THADA: variants seen among roughly 807,000 people sequenced by gnomAD.
THADA encodes the protein THADA armadillo repeat containing.
Under a neutral mutation model 219.8 loss-of-function variants are expected in THADA, and 213 were observed. That is an observed-to-expected ratio of 0.97 (90% CI 0.87 to 1.09). The LOEUF is 1.09. Ranked by LOEUF, THADA falls within the 50% of genes least tolerant of loss-of-function variation. The probability of loss-of-function intolerance (pLI) is 0.00; values close to 1 mark genes in which losing one functional copy is unlikely to be tolerated. For missense variants in THADA, 2,956 were observed against 2,311.3 expected, an observed-to-expected ratio of 1.28 and a Z score of -5.72; for synonymous variants, 1,018 against 828.9, an observed-to-expected ratio of 1.23 and a Z score of -3.92.
chr2:43,524,409 T>A (rs1212924912), intron 22 of THADA, among the ~76,000 whole-genome samples: 1 of 152,246 alleles, frequency 6.6e-6, no homozygotes, highest in Non-Finnish European at 1.5e-5. Context: ...TATTTATCCA[T>A]TAATCTCTTT....
chr2:43,561,210 T>C (rs1177887427), intron 15 of THADA, among the ~76,000 whole-genome samples: 2 of 152,096 alleles, frequency 1.3e-5, no homozygotes, highest in Non-Finnish European at 1.5e-5. Context: ...CTCATCCCTA[T>C]AACAACATGT....
intron 20 of THADA, among the ~76,000 whole-genome samples, chr2:43,547,420 G>C (rs1574196595): frequency 1.3e-5 from 2 of 152,288 alleles, no homozygotes; most frequent in Admixed American, 1.3e-4. Context: ...GGCCTGCCTT[G>C]CTAGATTGGG....
chr2:43,304,041 G>A (rs1222821444), intron 31 of THADA, among the ~76,000 whole-genome samples: 2 of 152,154 alleles, frequency 1.3e-5, no homozygotes, highest in Non-Finnish European at 2.9e-5. Flanking sequence ...TGCTGAATGT[G>A]TGTAATTCTA....
At chr2:43,496,937 A>AG (rs1274987517) in intron 25 of THADA, among the ~76,000 whole-genome samples, 21 of 152,228 alleles carry the variant, frequency 1.4e-4, no homozygotes. Flanking sequence ...AAAATGTGGT[A>AG]GTTCAACATC....
intron 28 of THADA, among the ~76,000 whole-genome samples, chr2:43,419,268 G>C (rs1677398235): frequency 2.0e-5 from 3 of 152,184 alleles, no homozygotes; most frequent in African/African-American, 7.2e-5. Flanking sequence ...TGGTGAAGAA[G>C]AGAATGTCTA....
chr2:43,574,159 A>C (rs1446467050), intron 11 of THADA, among the ~76,000 whole-genome samples, 177 bp downstream of exon 11: 1 of 152,104 alleles, frequency 6.6e-6, no homozygotes, highest in Non-Finnish European at 1.5e-5. Flanking sequence ...CAGCCAAAAA[A>C]CTCCATTCAG....
At chr2:43,468,831 C>T (rs1373053683) in intron 26 of THADA, among the ~76,000 whole-genome samples, 1 of 152,120 alleles carries the variant, frequency 6.6e-6, no homozygotes, top group Non-Finnish European at 1.5e-5. Context: ...ATTTATTCCT[C>T]ACAACTCTAG....
chr2:43,514,898 T>C (rs1176903657), intron 22 of THADA, among the ~76,000 whole-genome samples: 2 of 81,984 alleles, frequency 2.4e-5, no homozygotes, highest in African/African-American at 1.0e-4. Context: ...ATATATTTTA[T>C]GTATAATATA....
Position 43,508,695 on chromosome 2 carries a change from T to A in THADA, c.3460A>T (p.Lys1154Ter). Residue 1154 changes from lysine (K) to a stop codon, truncating the protein, a stop_gained, in exon 23 of 38, where the codon AAA (lysine) becomes TAA (stop). Transcript: ENST00000405975. LOFTEE classifies it high-confidence loss of function. ...EEIKCSDPSS[K>*]LCATRRSAGI... The stretch of plus-strand genomic sequence containing the variant: ...GCACTGCGCCTTGTAGCACAGAGTT[T>A]AGATGAAGGATCACTGCATTTAATT... The A allele has an allele frequency of 6.2e-7, 1 of 1,613,764 alleles. No homozygotes were observed. The highest frequency in any genetic ancestry group is 8.5e-7 in the Non-Finnish European group (1 of 1,179,728).
chr2:43,353,649 T>C (rs1032680780), intron 29 of THADA, among the ~76,000 whole-genome samples: 3 of 152,122 alleles, frequency 2.0e-5, no homozygotes, highest in African/African-American at 7.2e-5. Flanking sequence ...TTGCCTTTTT[T>C]CACATTTTAT....
chr2:43,501,357 A>T (rs1688955528), intron 24 of THADA, among the ~76,000 whole-genome samples: 1 of 145,812 alleles, frequency 6.9e-6, no homozygotes, highest in Non-Finnish European at 1.5e-5. Context: ...TTTTATGGGA[A>T]TTAGTTTAAA....
chr2:43,556,502 G>T lies in THADA; in HGVS notation c.2517C>A (p.Ser839Arg). The change falls in exon 17 of 38, where the codon AGC becomes AGA. Residue 839 changes from serine to arginine, a missense_variant. By Grantham distance (110) the Ser-to-Arg change is moderately radical (BLOSUM62 -1). Transcript: ENST00000405975. Reference protein sequence around the residue: ...LFQAALELSTSTKPYDCVTAS... With the variant: ...LFQAALELSTRTKPYDCVTAS... ...CTGTCACACAGTCGTATGGTTTGGT[G>T]CTTGTGCTGAGCTCCAATGCTGCCT... is the stretch of plus-strand genomic sequence containing the variant. 1 of 1,613,888 alleles carries T rather than the reference G, an allele frequency of 6.2e-7. No homozygotes were observed. The highest frequency in any genetic ancestry group is 1.7e-5 in the Admixed American group (1 of 59,998).
intron 7 of THADA, 96 bp from the exon 8 acceptor site, chr2:43,582,024 C>A: frequency 1.2e-6 from 1 of 851,092 alleles, no homozygotes; most frequent in Non-Finnish European, 1.7e-6. Context: ...CTCAAAGGCC[C>A]AAAATCAATT....
intron 28 of THADA, among the ~76,000 whole-genome samples, chr2:43,425,776 T>A (rs976262674): frequency 6.6e-6 from 1 of 152,154 alleles, no homozygotes; most frequent in Non-Finnish European, 1.5e-5. Flanking sequence ...TTGCTTACAG[T>A]GACTCTCAGA....
chr2:43,566,651 T>G (rs1698720738), intron 15 of THADA, 47 bp downstream of exon 15: 1 of 1,597,146 alleles, frequency 6.3e-7, no homozygotes, highest in African/African-American at 1.3e-5. Flanking sequence ...TAAGTATGTT[T>G]TGAAAGAAAA....
chr2:43,430,196 C>T lies in THADA; in HGVS notation c.3926+17G>A. The T allele has an allele frequency of 7.2e-7, 1 of 1,391,602 alleles. No individual in the cohort carries two copies. Among genetic ancestry groups the T allele is most frequent in the Non-Finnish European group, 9.6e-7 (1 of 1,036,498 alleles). The allele number at this position is 1,391,602 out of a possible 1,614,324, so 86.2% of individuals were successfully genotyped here. A position where few individuals can be genotyped will look rare whatever the true frequency, so the allele number is the denominator to read the frequency against. On this transcript the variant is annotated intron_variant, in intron 27 of 37. Coordinates refer to ENST00000405975, the MANE Select transcript of THADA (RefSeq NM_022065.5). Reference sequence around the variant, plus strand: ...ACATCCTTGAGGTCATTTTGCCCCACCCAATTCTCTTCTTACCTGTCTACT... The same window carrying T: ...ACATCCTTGAGGTCATTTTGCCCCATCCAATTCTCTTCTTACCTGTCTACT...
At chr2:43,269,423 G>A (rs552343174) in intron 36 of THADA, among the ~76,000 whole-genome samples, 2 of 152,324 alleles carry the variant, frequency 1.3e-5, no homozygotes, top group African/African-American at 4.8e-5. Flanking sequence ...CCCAGCCAGG[G>A]TACTCACTGG....
chr2:43,499,666 C>T lies in THADA; in HGVS notation c.3622-711G>A, dbSNP rs368898314. 1.5e-4 allele frequency among the ~76,000 whole-genome samples: 23 copies of T among 152,182 alleles called. No individual in the cohort carries two copies. The South Asian group carries it at 4.1e-3, about 27-fold the overall frequency. ...TGATGGCATTATAGGTGTGAGCCAGCGCACCCGGCCTAAAAAAATGCTTAA... is the reference window on the plus strand; with the variant it reads ...TGATGGCATTATAGGTGTGAGCCAGTGCACCCGGCCTAAAAAAATGCTTAA... On this transcript the variant is annotated intron_variant, in intron 24 of 37. Transcript: ENST00000405975.
intron 29 of THADA, among the ~76,000 whole-genome samples, chr2:43,347,353 C>G (rs1246193234): frequency 6.6e-6 from 1 of 152,166 alleles, no homozygotes; most frequent in Non-Finnish European, 1.5e-5. Flanking sequence ...TCTGTCTGCT[C>G]CCTCTCTTCC....
Sources: gnomAD v4.1 joint callset for allele counts (sites outside exome capture counted in the v4.1 genomes callset) on GRCh38, gnomAD v4.1.1 for gene constraint, MANE v1.5 for transcripts, NCBI Gene and HGNC (gene_info 2026-07-23, HGNC 2026-07-21) for gene names.